Variants in PRICKLE2 observed in about 807,000 individuals in gnomAD.
PRICKLE2 encodes prickle-like protein 2.
Under a neutral mutation model 81.4 loss-of-function variants are expected in PRICKLE2, and 21 were observed. The ratio of observed to expected loss-of-function variants is 0.26; its 90% CI spans 0.18 to 0.37. PRICKLE2 has a LOEUF of 0.37. Among genes scored for constraint, PRICKLE2 ranks in the 10% least tolerant of loss-of-function variants. The pLI is 1.00. For missense variants in PRICKLE2, 940 were observed against 1,109.0 expected (o/e 0.85, Z 2.16); for synonymous variants, 456 against 421.5 (o/e 1.08, Z -1.00).
intron 2 of PRICKLE2, among the ~76,000 whole-genome samples, chr3:64,236,680 A>T (rs2079186063): frequency 6.6e-6 from 1 of 152,050 alleles, no homozygotes; most frequent in East Asian, 1.9e-4. Flanking sequence ...CTATAATGGA[A>T]CTCACCCTGG....
intron 2 of PRICKLE2, among the ~76,000 whole-genome samples, chr3:64,251,978 A>G (rs936232886): frequency 6.6e-6 from 1 of 152,150 alleles, no homozygotes; most frequent in Non-Finnish European, 1.5e-5. Context: ...GCTTCTTGCC[A>G]TTTGCACATA....
At chr3:64,115,426 A>C (rs1096263) in intron 7 of PRICKLE2, among the ~76,000 whole-genome samples, 112,081 of 152,018 alleles carry the variant, frequency 0.74, 43,167 homozygotes, top group South Asian at 0.87. Context: ...AAGAACCAAG[A>C]CCCATTATTA....
chr3:64,121,885 G>A (rs2077034388), intron 7 of PRICKLE2, among the ~76,000 whole-genome samples: 1 of 152,172 alleles, frequency 6.6e-6, no homozygotes, highest in Admixed American at 6.5e-5. Flanking sequence ...ATAAATACCA[G>A]TGAGATACTG....
intron 1 of PRICKLE2, among the ~76,000 whole-genome samples, chr3:64,222,563 G>T (rs945506464): frequency 1.4e-4 from 21 of 152,258 alleles, no homozygotes; most frequent in Non-Finnish European, 2.6e-4. Flanking sequence ...CCATAGCAGT[G>T]ACACAAAACA....
At chr3:64,103,545 G>A (rs1029510678) in intron 7 of PRICKLE2, 2 of 152,182 alleles carry the variant, frequency 1.3e-5, no homozygotes, top group African/African-American at 4.8e-5. Flanking sequence ...AAGGCTTCTA[G>A]GGCACTGCAA....
intron 6 of PRICKLE2, among the ~76,000 whole-genome samples, chr3:64,149,140 C>T (rs953284256): frequency 1.3e-5 from 2 of 152,202 alleles, no homozygotes; most frequent in Admixed American, 6.5e-5. Flanking sequence ...ACTAAGGGAG[C>T]CTCCCACAGC....
intron 1 of PRICKLE2, among the ~76,000 whole-genome samples, chr3:64,221,453 A>ACACACG (rs1163480769): frequency 5.2e-4 from 79 of 151,590 alleles, no homozygotes; most frequent in Admixed American, 1.4e-3. Flanking sequence ...ACACACACAC[A>ACACACG]CACACGCACA....
chr3:64,120,812 G>A (rs1186920291), intron 7 of PRICKLE2, among the ~76,000 whole-genome samples: 3 of 152,146 alleles, frequency 2.0e-5, no homozygotes, highest in Non-Finnish European at 4.4e-5. Context: ...TTCTGGCCAG[G>A]CAGCTAGGGA....
chr3:64,239,624 C>T (rs2079232332), intron 2 of PRICKLE2, among the ~76,000 whole-genome samples: 1 of 152,022 alleles, frequency 6.6e-6, no homozygotes, highest in African/African-American at 2.4e-5. Context: ...GATTTATAAG[C>T]CAGATTTATA....
At chr3:64,169,107 A>G (rs1021984291) in intron 2 of PRICKLE2, among the ~76,000 whole-genome samples, 1 of 152,206 alleles carries the variant, frequency 6.6e-6, no homozygotes, top group Non-Finnish European at 1.5e-5. Flanking sequence ...CTGGCCAATG[A>G]CACGGAAGGG....
chr3:64,266,450 G>C (rs1038163764), intron 2 of PRICKLE2, among the ~76,000 whole-genome samples: 1 of 152,182 alleles, frequency 6.6e-6, no homozygotes, highest in African/African-American at 2.4e-5. Flanking sequence ...GAGCTGGGTA[G>C]TCAGTGACTA....
chr3:64,104,283 T>C (rs374097952), intron 7 of PRICKLE2, among the ~76,000 whole-genome samples: 2 of 152,228 alleles, frequency 1.3e-5, no homozygotes, highest in South Asian at 2.1e-4. Flanking sequence ...CCTAAGATGA[T>C]GAATGAGTGG....
Position 64,181,672 on chromosome 3 carries a change from G to C in PRICKLE2, c.144+17112C>G, listed in dbSNP as rs558838175. ...TAGGAAGTAACCTTTGAAAATGGGA[G>C]TTTCAGAATCCGTTGTTAATGTGTT... On this transcript the variant is annotated intron_variant, in intron 2 of 7. Transcript: ENST00000638394. Among the ~76,000 whole-genome samples, 4 of 152,298 alleles carry C rather than the reference G, an allele frequency of 2.6e-5. No homozygotes were observed. The South Asian group carries it at 8.3e-4, about 32-fold the overall frequency.
upstream of PRICKLE2, among the ~76,000 whole-genome samples, chr3:64,229,484 C>G (rs1306010120): frequency 1.3e-5 from 2 of 152,070 alleles, no homozygotes; most frequent in Non-Finnish European, 2.9e-5. Context: ...AAAGAGGGTC[C>G]TAAATTCCTC....
chr3:64,245,987 G>A (rs1005008608), intron 2 of PRICKLE2, among the ~76,000 whole-genome samples: 3 of 152,136 alleles, frequency 2.0e-5, no homozygotes, highest in African/African-American at 7.2e-5. Context: ...GCTCACACTT[G>A]TAATCCCAGC....
chr3:64,188,466 T>C (rs552553912), intron 2 of PRICKLE2, among the ~76,000 whole-genome samples: 2 of 152,360 alleles, frequency 1.3e-5, no homozygotes, highest in South Asian at 4.1e-4. Context: ...TTCAGAGTTC[T>C]GGTTTATTTG....
rs186384665 is a variant in PRICKLE2, at chr3:64,241,838, G to A, written c.129-42871C>T. On this transcript the variant is annotated intron_variant, in intron 2 of 8. Coordinates refer to the PRICKLE2 transcript ENST00000295902. ...CGGCAGCCCCAATCATGCCTTCAGC[G>A]TTGGCCAAAGCAAGGGAAAATGTTT... Among the ~76,000 whole-genome samples the A allele has an allele frequency of 1.2e-4, 18 of 152,288 alleles. No homozygotes were observed. In the East Asian group the frequency reaches 2.5e-3, roughly 21 times the overall value.
chr3:64,094,955 A>G lies in PRICKLE2; in HGVS notation c.*4096T>C, dbSNP rs1284950445. On this transcript the variant is annotated 3_prime_UTR_variant, in exon 8 of 8. Coordinates refer to ENST00000638394, the MANE Select transcript of PRICKLE2 (RefSeq NM_198859.4). Reference sequence around the variant, plus strand: ...GCAACTGTCCTGGCATGAAGTATTCAGATAACTGGTTCAGTTTTCCACTTT... The same window carrying G: ...GCAACTGTCCTGGCATGAAGTATTCGGATAACTGGTTCAGTTTTCCACTTT... The G allele has an allele frequency of 6.5e-6, 1 of 152,704 alleles. No individual in the cohort carries two copies. The highest frequency in any genetic ancestry group is 2.4e-5 in the African/African-American group (1 of 41,472). 9.5% of individuals were successfully genotyped at this position (152,704 alleles called of 1,614,324 possible).
intron 2 of PRICKLE2, among the ~76,000 whole-genome samples, chr3:64,241,249 G>A (rs915831717): frequency 2.6e-5 from 4 of 152,134 alleles, no homozygotes; most frequent in Non-Finnish European, 5.9e-5. Context: ...ATCTGGATAC[G>A]CTGAGCTCAA....
Sources: allele counts gnomAD v4.1 joint callset (sites outside exome capture counted in the v4.1 genomes callset), GRCh38; gene constraint gnomAD v4.1.1; transcripts MANE v1.5; gene names NCBI Gene and HGNC (gene_info 2026-07-23, HGNC 2026-07-21).